Variants in EPM2A observed in about 807,000 individuals in gnomAD.
EPM2A encodes EPM2A glucan phosphatase, laforin, also known as laforin.
In EPM2A, 21 loss-of-function variants were observed where a neutral mutation model predicts 26.5. The observed-to-expected ratio is 0.79, with a 90% CI of 0.56 to 1.14. The LOEUF is 1.14. EPM2A is among the 50% of genes most tolerant of loss of function. EPM2A has a pLI of 0.00. For missense variants in EPM2A, 458 were observed against 440.8 expected (o/e 1.04, Z -0.35); for synonymous variants, 217 against 177.6 (o/e 1.22, Z -1.76).
intron 2 of EPM2A, among the ~76,000 whole-genome samples, chr6:145,544,285 A>C (rs1025949873): frequency 2.0e-5 from 3 of 152,202 alleles, no homozygotes; most frequent in Non-Finnish European, 4.4e-5. Flanking sequence ...TCAGTGAAAG[A>C]GTGAGTCAGA....
chr6:145,583,628 G>A (rs4335004), intron 2 of EPM2A, among the ~76,000 whole-genome samples: 55,064 of 152,106 alleles, frequency 0.36, 10,429 homozygotes, highest in South Asian at 0.51. Context: ...GGAGTGGCAT[G>A]GGATCCATGC....
At chr6:145,708,848 C>T (rs1782376868) in intron 1 of EPM2A, among the ~76,000 whole-genome samples, 1 of 152,214 alleles carries the variant, frequency 6.6e-6, no homozygotes, top group African/African-American at 2.4e-5. Context: ...CTAGAAAAGA[C>T]ACAGACACTC....
At chr6:145,515,527 T>A (rs1273205712) in intron 2 of EPM2A, among the ~76,000 whole-genome samples, 1 of 152,162 alleles carries the variant, frequency 6.6e-6, no homozygotes, top group African/African-American at 2.4e-5. Context: ...CACTTCCTCA[T>A]ACACAGAGAT....
At chr6:145,572,762 C>T (rs1290294650) in intron 2 of EPM2A, among the ~76,000 whole-genome samples, 1 of 152,172 alleles carries the variant, frequency 6.6e-6, no homozygotes, top group Non-Finnish European at 1.5e-5. Context: ...GGTCATATGA[C>T]CCAAGTGGCA....
intron 2 of EPM2A, among the ~76,000 whole-genome samples, chr6:145,603,554 A>T (rs1381050800): frequency 2.0e-5 from 3 of 152,236 alleles, no homozygotes; most frequent in Non-Finnish European, 4.4e-5. Context: ...CCTGGCATGT[A>T]GCAGGTGTTC....
chr6:145,458,328 GTC>G (rs1779287291), intron 4 of EPM2A, among the ~76,000 whole-genome samples: 1 of 151,804 alleles, frequency 6.6e-6, no homozygotes, highest in Admixed American at 6.6e-5. Context: ...ACGCTATTTT[GTC>G]TCTCAGTATT....
chr6:145,557,519 A>G (rs756315155), intron 2 of EPM2A, among the ~76,000 whole-genome samples: 43 of 152,132 alleles, frequency 2.8e-4, no homozygotes, highest in Admixed American at 4.6e-4. Flanking sequence ...TGTTTTACCA[A>G]AATTGTGATT....
chr6:145,496,728 A>ATGTTTTTTTT (rs779194973), downstream of EPM2A, among the ~76,000 whole-genome samples: 14 of 106,904 alleles, frequency 1.3e-4, 2 homozygotes, highest in East Asian at 7.6e-4. Flanking sequence ...AGTTCCTGCA[A>ATGTTTTTTTT]TTTTTTTTTT....
chr6:145,600,919 A>C (rs1173198901), intron 2 of EPM2A, among the ~76,000 whole-genome samples: 3 of 152,166 alleles, frequency 2.0e-5, no homozygotes, highest in African/African-American at 4.8e-5. Context: ...CACTTTAACA[A>C]AGTCTCCACT....
chr6:145,478,493 A>G (rs1779568650), intron 4 of EPM2A, among the ~76,000 whole-genome samples: 1 of 151,924 alleles, frequency 6.6e-6, no homozygotes, highest in Non-Finnish European at 1.5e-5. Flanking sequence ...AAAAAGAACA[A>G]CATTGGAGGA....
chr6:145,437,930 A>G (rs1290233210), intron 4 of EPM2A, among the ~76,000 whole-genome samples: 1 of 152,244 alleles, frequency 6.6e-6, no homozygotes, highest in Non-Finnish European at 1.5e-5. Flanking sequence ...AAAAATTAAT[A>G]TGCTAGAAAT....
intron 4 of EPM2A, among the ~76,000 whole-genome samples, chr6:145,426,233 C>T (rs1002830346): frequency 6.6e-6 from 1 of 152,146 alleles, no homozygotes; most frequent in African/African-American, 2.4e-5. Flanking sequence ...CCTTATTACA[C>T]GCTGTCCTTT....
chr6:145,499,757 C>T (rs1016693694), downstream of EPM2A, among the ~76,000 whole-genome samples: 5 of 152,120 alleles, frequency 3.3e-5, no homozygotes, highest in Admixed American at 1.3e-4. Context: ...AATAATACTC[C>T]ACAGAGAAAA....
chr6:145,612,624 A>C (rs1382599133), intron 2 of EPM2A, among the ~76,000 whole-genome samples: 1 of 135,340 alleles, frequency 7.4e-6, no homozygotes, highest in Non-Finnish European at 1.6e-5. Flanking sequence ...GTATCACAAT[A>C]AAGCAAGTCA....
intron 4 of EPM2A, among the ~76,000 whole-genome samples, chr6:145,434,623 T>C (rs937463126): frequency 6.6e-6 from 1 of 152,216 alleles, no homozygotes; most frequent in Non-Finnish European, 1.5e-5. Context: ...AGTTGAGATA[T>C]AATTTACGTA....
chr6:145,476,846 G>T (rs1182286278), intron 4 of EPM2A, among the ~76,000 whole-genome samples: 5 of 151,416 alleles, frequency 3.3e-5, no homozygotes, highest in Non-Finnish European at 5.9e-5. Context: ...ACATCAAAAA[G>T]AAGAAAAACT....
intron 2 of EPM2A, among the ~76,000 whole-genome samples, chr6:145,669,512 T>C (rs935902476): frequency 1.3e-5 from 2 of 152,206 alleles, no homozygotes; most frequent in African/African-American, 4.8e-5. Context: ...AAATATTCCC[T>C]GATGTGTTCA....
At chr6:145,409,430 G>A (rs1040400333) in intron 4 of EPM2A, among the ~76,000 whole-genome samples, 10 of 152,026 alleles carry the variant, frequency 6.6e-5, no homozygotes, top group African/African-American at 1.9e-4. Flanking sequence ...AATAAATATT[G>A]CTTCCTTTTT....
At chr6:145,646,805 G>A (rs1777506097) in intron 2 of EPM2A, among the ~76,000 whole-genome samples, 1 of 151,776 alleles carries the variant, frequency 6.6e-6, no homozygotes, top group Non-Finnish European at 1.5e-5. Context: ...AGAGTCAAAT[G>A]AACTCATCTT....
Sources: allele counts gnomAD v4.1 joint callset (sites outside exome capture counted in the v4.1 genomes callset), GRCh38; gene constraint gnomAD v4.1.1; transcripts MANE v1.5; gene names NCBI Gene and HGNC (gene_info 2026-07-23, HGNC 2026-07-21).